PTPRR: variants seen among roughly 807,000 people sequenced by gnomAD.
PTPRR encodes the protein protein tyrosine phosphatase receptor type R, also known as receptor-type tyrosine-protein phosphatase R.
In PTPRR, 38 loss-of-function variants were observed where a neutral mutation model predicts 77.2. The observed-to-expected ratio is 0.49, with a 90% confidence interval of 0.38 to 0.65. The LOEUF (loss-of-function observed/expected upper bound fraction) is 0.65, where lower values mean the gene tolerates loss of function less well. Ranked by LOEUF, PTPRR falls within the 30% of genes least tolerant of loss-of-function variation. PTPRR has a pLI of 0.00. For synonymous variants in PTPRR, 299 were observed against 283.1 expected (o/e 1.06, Z -0.57); for missense variants, 744 against 799.2 (o/e 0.93, Z 0.83).
chr12:70,703,763 C>A (rs903884509), intron 6 of PTPRR, among the ~76,000 whole-genome samples: 2 of 152,098 alleles, frequency 1.3e-5, no homozygotes, highest in South Asian at 2.1e-4. Flanking sequence ...AATCACCATG[C>A]CATTCAGTCA....
intron 6 of PTPRR, among the ~76,000 whole-genome samples, chr12:70,734,015 C>T (rs1317314541): frequency 6.6e-6 from 1 of 152,154 alleles, no homozygotes; most frequent in Non-Finnish European, 1.5e-5. Context: ...AGGCAAAAGT[C>T]TCTGGCTGCA....
At position 70,901,806 on chromosome 12, in the gene PTPRR, G is replaced by A. The variant is rs556251274; in HGVS notation, c.59-8829C>T. ...ATTAATTTAATTAAGCTTTTGCATG[G>A]CAAAAGAATAGCAGAGTAAACAGAT... On this transcript the variant is annotated intron_variant, in intron 1 of 13. Coordinates refer to ENST00000283228, the MANE Select transcript of PTPRR (RefSeq NM_002849.4). Among the ~76,000 whole-genome samples, 11 of 151,752 alleles carry A rather than the reference G, an allele frequency of 7.2e-5. No individual in the cohort carries two copies. The South Asian group carries it at 2.3e-3, about 31-fold the overall frequency.
At chr12:70,662,372 C>A (rs1216274149) in intron 11 of PTPRR, 123 bp downstream of exon 11, 6 of 549,390 alleles carry the variant, frequency 1.1e-5, no homozygotes, top group Non-Finnish European at 1.9e-5. Flanking sequence ...TATAGTTTCT[C>A]TTTGATCTTA....
intron 10 of PTPRR, chr12:70,673,071 A>C: frequency 8.6e-7 from 1 of 1,160,140 alleles, no homozygotes; most frequent in Non-Finnish European, 1.1e-6. Context: ...AGAAATATAT[A>C]TTTGACTTAT....
At chr12:70,850,110 C>T (rs1263994381) in intron 2 of PTPRR, among the ~76,000 whole-genome samples, 1 of 151,892 alleles carries the variant, frequency 6.6e-6, no homozygotes, top group Non-Finnish European at 1.5e-5. Context: ...CTCTGTAATC[C>T]CAGCACTTTG....
chr12:70,781,771 G>T (rs1891207897), intron 2 of PTPRR, among the ~76,000 whole-genome samples: 1 of 152,080 alleles, frequency 6.6e-6, no homozygotes, highest in African/African-American at 2.4e-5. Flanking sequence ...TAAACAGAGA[G>T]AATTCATTTT....
intron 2 of PTPRR, among the ~76,000 whole-genome samples, chr12:70,827,597 G>C (rs1185840981): frequency 6.6e-6 from 1 of 151,162 alleles, no homozygotes; most frequent in East Asian, 1.9e-4. Context: ...CCAGGCTGGA[G>C]GGCAGTGGCA....
chr12:70,917,392 A>G (rs900447791), intron 1 of PTPRR, among the ~76,000 whole-genome samples: 1 of 152,166 alleles, frequency 6.6e-6, no homozygotes, highest in African/African-American at 2.4e-5. Context: ...TATCCCGACT[A>G]TGCTATTAAC....
chr12:70,649,608 C>T (rs1365016421), intron 13 of PTPRR, among the ~76,000 whole-genome samples: 1 of 152,148 alleles, frequency 6.6e-6, no homozygotes, highest in African/African-American at 2.4e-5. Context: ...TTGAGTCTCA[C>T]TCTCTCGCCC....
At position 70,798,450 on chromosome 12, in the gene PTPRR, A is replaced by G. The variant is rs980363712; in HGVS notation, c.358-33672T>C. Among the ~76,000 whole-genome samples, 9 of 152,186 alleles carry G rather than the reference A, an allele frequency of 5.9e-5. No individual in the cohort carries two copies. The East Asian group carries it at 1.7e-3, about 29-fold the overall frequency. On this transcript the variant is annotated intron_variant, in intron 2 of 13. Coordinates refer to ENST00000283228, the MANE Select transcript of PTPRR (RefSeq NM_002849.4). ...AATCTATTTTATCTATTCAGTGCAG[A>G]AACTCTTTAAGTTGTCTTTTCCTAC...
intron 2 of PTPRR, among the ~76,000 whole-genome samples, chr12:70,872,997 A>G (rs1166633888): frequency 6.6e-6 from 1 of 152,198 alleles, no homozygotes; most frequent in Non-Finnish European, 1.5e-5. Context: ...CTTGTGAGGG[A>G]AACAGAACTG....
At chr12:70,820,098 G>A (rs184036642) in intron 2 of PTPRR, among the ~76,000 whole-genome samples, 10 of 152,318 alleles carry the variant, frequency 6.6e-5, no homozygotes, top group East Asian at 5.8e-4. Flanking sequence ...CTGGCTGTGC[G>A]CAGAAATGTA....
intron 2 of PTPRR, among the ~76,000 whole-genome samples, chr12:70,887,329 A>C (rs1360761777): frequency 6.6e-6 from 1 of 151,956 alleles, no homozygotes; most frequent in Non-Finnish European, 1.5e-5. Flanking sequence ...GTCCGTGCCT[A>C]TCGTCCCAGC....
intron 2 of PTPRR, among the ~76,000 whole-genome samples, chr12:70,854,784 A>T (rs2137072838): frequency 6.6e-6 from 1 of 152,318 alleles, no homozygotes; most frequent in Non-Finnish European, 1.5e-5. Context: ...GGAACAATGA[A>T]ATAGTACTTA....
intron 2 of PTPRR, among the ~76,000 whole-genome samples, chr12:70,831,523 A>C (rs1175760075): frequency 6.6e-6 from 1 of 152,232 alleles, no homozygotes; most frequent in Non-Finnish European, 1.5e-5. Flanking sequence ...AGAGAAAATC[A>C]GGGGTCCAAC....
At chr12:70,693,649 T>G (rs1888130371) in intron 8 of PTPRR, among the ~76,000 whole-genome samples, 1 of 151,822 alleles carries the variant, frequency 6.6e-6, no homozygotes, top group Non-Finnish European at 1.5e-5. Flanking sequence ...AACATATAAC[T>G]GAGTATGGGG....
intron 7 of PTPRR, among the ~76,000 whole-genome samples, chr12:70,700,726 A>G (rs1888390577): frequency 6.6e-6 from 1 of 152,164 alleles, no homozygotes; most frequent in Admixed American, 6.6e-5. Flanking sequence ...ACATAAGATA[A>G]AGTCCAAGCT....
chr12:70,903,108 G>C (rs1309803952), intron 1 of PTPRR, among the ~76,000 whole-genome samples: 1 of 151,626 alleles, frequency 6.6e-6, no homozygotes, highest in Non-Finnish European at 1.5e-5. Flanking sequence ...GACAGGGAAT[G>C]GGGAAGGAAT....
At chr12:70,917,365 C>T (rs1345362330) in intron 1 of PTPRR, among the ~76,000 whole-genome samples, 1 of 152,098 alleles carries the variant, frequency 6.6e-6, no homozygotes, top group East Asian at 1.9e-4. Flanking sequence ...AACCACGGGT[C>T]TGGAAACCTG....
Sources: allele counts gnomAD v4.1 joint callset (sites outside exome capture counted in the v4.1 genomes callset), GRCh38; gene constraint gnomAD v4.1.1; transcripts MANE v1.5; gene names NCBI Gene and HGNC (gene_info 2026-07-23, HGNC 2026-07-21).